ARAP3: variants seen among roughly 807,000 people sequenced by gnomAD.
ARAP3 encodes arf-GAP with Rho-GAP domain, ANK repeat and PH domain-containing protein 3.
In ARAP3, 82 loss-of-function variants were observed where a neutral mutation model predicts 169.2. The ratio of observed to expected loss-of-function variants is 0.48; its 90% CI spans 0.41 to 0.58. ARAP3 has a LOEUF of 0.58. Ranked by LOEUF, ARAP3 falls within the 20% of genes least tolerant of loss-of-function variation. ARAP3 has a pLI of 0.00. For synonymous variants in ARAP3, 791 were observed against 800.3 expected (o/e 0.99, Z 0.20); for missense variants, 1,764 against 2,018.0 (o/e 0.87, Z 2.41).
At chr5:141,666,175 GTGT>G (rs1383628448) in intron 17 of ARAP3, among the ~76,000 whole-genome samples, 3 of 152,014 alleles carry the variant, frequency 2.0e-5, no homozygotes, top group Non-Finnish European at 4.4e-5. Flanking sequence ...TCTGAGGAAG[GTGT>G]TATTATTGTG....
chr5:141,678,258 G>A (rs1418319574), intron 4 of ARAP3, among the ~76,000 whole-genome samples: 2 of 151,596 alleles, frequency 1.3e-5, no homozygotes, highest in Non-Finnish European at 2.9e-5. Flanking sequence ...ACCCTTATCT[G>A]GCCTCTTTTA....
At position 141,665,038 on chromosome 5, in the gene ARAP3, T is replaced by C; in HGVS notation, c.2684A>G (p.Asn895Ser). 1.2e-6 allele frequency: 2 copies of C among 1,613,874 alleles called. No homozygotes were observed. The highest frequency in any genetic ancestry group is 1.7e-6 in the Non-Finnish European group (2 of 1,179,926). Residue 895 changes from asparagine to serine, a missense_variant, in exon 19 of 33, where the codon AAC becomes AGC. Transcript: ENST00000239440. ...GEGRLDFTAW[N>S]AAIGGAAGGG... Reference sequence around the variant, plus strand: ...ACCAGCCGCGCCCCCAATGGCTGCGTTCCATGCCGTGAAGTCCAGCCGGCC... The same window carrying C: ...ACCAGCCGCGCCCCCAATGGCTGCGCTCCATGCCGTGAAGTCCAGCCGGCC...
intron 16 of ARAP3, among the ~76,000 whole-genome samples, chr5:141,668,597 T>C (rs2099911000): frequency 6.6e-6 from 1 of 151,984 alleles, no homozygotes; most frequent in South Asian, 2.1e-4. Context: ...TTTTGGAAAG[T>C]GTAGATAATA....
rs116924533 is a variant in ARAP3 at position 141,662,448 on chromosome 5, A to G, written c.2801-193T>C. 9.7e-4 allele frequency among the ~76,000 whole-genome samples: 147 copies of G among 152,134 alleles called. No homozygotes were observed. In the East Asian group the frequency reaches 0.024, roughly 25 times the overall value. On this transcript the variant is annotated intron_variant, in intron 19 of 32. Coordinates refer to ENST00000239440, the MANE Select transcript of ARAP3 (RefSeq NM_022481.6). ...CTCATCCTCAGAAAGTCCTTCCCTG[A>G]CCTCACTGTCACAAGTACAACCCCC...
At position 141,656,565 on chromosome 5, in the gene ARAP3, C is replaced by T. The variant is rs748063043; in HGVS notation, c.3728G>A (p.Arg1243His). 5.0e-6 allele frequency: 8 copies of T among 1,612,668 alleles called. No homozygotes were observed. The highest frequency in any genetic ancestry group is 2.7e-5 in the African/African-American group (2 of 74,914). The change falls in exon 27 of 33, where the codon CGC becomes CAC. Residue 1243 changes from arginine (R) to histidine (H), a missense_variant. Arg to His is a conservative substitution (Grantham distance 29, BLOSUM62 0). Transcript: ENST00000239440. ...CAGCAGAAAGAACCTCTCCTGGAAG[C>T]GGCTTCCCAGCAAGCGAGGTGGCTC... ...REEPPRLLGS[R>H]FQERFFLLRG...
In ARAP3 at chr5:141,674,510, G is replaced by A. The variant is rs116905085; in HGVS notation, c.699-702C>T. 8.5e-5 allele frequency among the ~76,000 whole-genome samples: 13 copies of A among 152,254 alleles called. No homozygotes were observed. The East Asian group carries it at 9.6e-4, about 11-fold the overall frequency. ...TGGGTTCAAGTGATCCTCCCACCTC[G>A]GCCTCCCGAATTGCTGGGGTTACAG... is the stretch of plus-strand genomic sequence containing the variant. On this transcript the variant is annotated intron_variant, in intron 4 of 32. Coordinates refer to ENST00000239440, the MANE Select transcript of ARAP3 (RefSeq NM_022481.6).
Position 141,661,673 on chromosome 5 carries a change from G to C in ARAP3, c.3119+11C>G. ...GAGGAAGGGTTCTGCAGAGGGTCTA[G>C]CCATACTGACCGATAGAGATGCCCA... On this transcript the variant is annotated intron_variant, in intron 21 of 32. Transcript: ENST00000239440. 2 of 1,613,034 alleles carry C rather than the reference G, an allele frequency of 1.2e-6. No homozygotes were observed. Among genetic ancestry groups the C allele is most frequent in the Non-Finnish European group, 1.7e-6 (2 of 1,178,952 alleles).
chr5:141,679,152 G>A (rs364305), intron 4 of ARAP3, among the ~76,000 whole-genome samples: 53,315 of 151,904 alleles, frequency 0.35, 9,846 homozygotes, highest in Admixed American at 0.47. Context: ...AGCCGGGCAT[G>A]GTGGCACGCA....
Position 141,679,656 on chromosome 5 carries a change from A to G in ARAP3, c.587T>C (p.Val196Ala), listed in dbSNP as rs372228658. 16 of 1,613,964 alleles carry G rather than the reference A, an allele frequency of 9.9e-6. No individual in the cohort carries two copies. In the African/African-American group the frequency reaches 2.0e-4, roughly 20 times the overall value. Residue 196 changes from valine to alanine, a missense_variant and splice_region_variant, in exon 4 of 33, where the codon GTG becomes GCG. Around this residue, in one of 3 missense-constraint regions of ARAP3, gnomAD observed 630 missense variants for 678.7 expected, o/e 0.93. Coordinates refer to ENST00000239440, the MANE Select transcript of ARAP3 (RefSeq NM_022481.6). ...TPALRPTTGT[V>A]HIMDPGCLYY... ...CAGGCAACCAGGATCCATGATGTGC[A>G]CTGGCAGGAGGAGAGGGGAACGCAC...
intron 19 of ARAP3, 43 bp downstream of exon 19, chr5:141,664,878 AC>A (rs749515258): frequency 9.8e-4 from 119 of 121,478 alleles, no homozygotes; most frequent in Non-Finnish European, 1.6e-4. Flanking sequence ...CATCACCCCC[AC>A]CCCCCACCCC....
Position 141,665,314 on chromosome 5 carries a change from C to T in ARAP3, c.2633G>A (p.Gly878Glu), listed in dbSNP as rs775409811. ...GTCAAGGGCAGGGGCAATTTACCTT[C>T]CTGTCTCCACCAGGACCAAATGCTC... The part of the protein sequence containing the change: ...KKEHLVLVET[G>E]RTLYLQGEGR... The change falls in exon 18 of 33, where the codon GGA (glycine) becomes GAA (glutamate). Residue 878 changes from glycine (G) to glutamate (E), a missense_variant. By Grantham distance (98) the Gly-to-Glu change is moderately conservative. Coordinates refer to ENST00000239440, the MANE Select transcript of ARAP3 (RefSeq NM_022481.6). 6 of 1,614,234 alleles carry T rather than the reference C, an allele frequency of 3.7e-6. No homozygotes were observed. Among genetic ancestry groups the T allele is most frequent in the African/African-American group, 1.3e-5 (1 of 75,072 alleles).
chr5:141,672,914 T>G lies in ARAP3; in HGVS notation c.1105A>C (p.Met369Leu). Residue 369 changes from methionine (M) to leucine (L), a missense_variant, in exon 8 of 33, where the codon ATG becomes CTG. Around this residue, in one of 3 missense-constraint regions of ARAP3, gnomAD observed 630 missense variants for 678.7 expected, o/e 0.93. Transcript: ENST00000239440. The surrounding 1 kb of genome is among the most constrained non-coding windows in gnomAD (Gnocchi z 4.9). ...CAGGACTGCAGCGTGGAGCACCACA[T>G]GTCCCGCTGAGCTGGTGGGGATGGA... ...FRTESEAQRD[M>L]WCSTLQSCLK... 1 of 1,611,024 alleles carries G rather than the reference T, an allele frequency of 6.2e-7. No homozygotes were observed. Among genetic ancestry groups the G allele is most frequent in the Non-Finnish European group, 8.5e-7 (1 of 1,178,598 alleles).
chr5:141,654,190 G>A lies in ARAP3; in HGVS notation c.4395C>T (p.Pro1465=), dbSNP rs748531716. Residue 1465 remains proline, a synonymous_variant, in exon 33 of 33, where the codon CCC becomes CCT. Transcript: ENST00000239440. Reference sequence around the variant, plus strand: ...TGCTCTTTGAAGGGGGGCCTGGAGGGGGCTCAGGTGGCCTCTCCTCCTGGC... The same window carrying A: ...TGCTCTTTGAAGGGGGGCCTGGAGGAGGCTCAGGTGGCCTCTCCTCCTGGC... ...TLGQEERPPE[P]PPGPPSKSSP... 1.9e-6 allele frequency: 3 copies of A among 1,614,072 alleles called. No homozygotes were observed. The highest frequency in any genetic ancestry group is 2.5e-6 in the Non-Finnish European group (3 of 1,179,948).
chr5:141,668,141 C>A (rs2099910919), intron 16 of ARAP3, among the ~76,000 whole-genome samples: 1 of 151,620 alleles, frequency 6.6e-6, no homozygotes, highest in Non-Finnish European at 1.5e-5. Context: ...TGAGACAGGG[C>A]CTCACTTAGG....
In ARAP3 at chr5:141,672,733, C is replaced by G; in HGVS notation, c.1278+8G>C. The stretch of plus-strand genomic sequence containing the variant: ...CAGGCCCCTCAGCCCTGGCCCGGCT[C>G]TCCTCACCTGCTCACTCTTGTACAG... On this transcript the variant is annotated splice_region_variant and intron_variant, in intron 8 of 32. Coordinates refer to ENST00000239440, the MANE Select transcript of ARAP3 (RefSeq NM_022481.6). The surrounding 1 kb of genome is among the most constrained non-coding windows in gnomAD (Gnocchi z 4.9). 1 of 1,614,174 alleles carries G rather than the reference C, an allele frequency of 6.2e-7. No homozygotes were observed. Among genetic ancestry groups the G allele is most frequent in the Non-Finnish European group, 8.5e-7 (1 of 1,180,014 alleles).
intron 30 of ARAP3, 26 bp from the exon 31 acceptor site, chr5:141,655,784 T>C (rs1483371002): frequency 6.2e-7 from 1 of 1,614,068 alleles, no homozygotes. Flanking sequence ...GGGGTTGGCA[T>C]CAGTGGGCAT....
In ARAP3 at chr5:141,673,875, T is replaced by C. The variant is rs906622159; in HGVS notation, c.699-67A>G. 9 of 1,473,352 alleles carry C rather than the reference T, an allele frequency of 6.1e-6. No individual in the cohort carries two copies. The African/African-American group carries it at 8.4e-5, about 14-fold the overall frequency. The allele number at this position is 1,473,352 out of a possible 1,614,324, so 91.3% of individuals were successfully genotyped here. ...TACCCCGGACACCCTCTTTGTACTTTCTCCATCCTACTCACATCACCTAAG... is the reference window on the plus strand; with the variant it reads ...TACCCCGGACACCCTCTTTGTACTTCCTCCATCCTACTCACATCACCTAAG... On this transcript the variant is annotated intron_variant, in intron 4 of 32. Coordinates refer to ENST00000239440, the MANE Select transcript of ARAP3 (RefSeq NM_022481.6).
intron 31 of ARAP3, 90 bp downstream of exon 31, chr5:141,655,531 G>A (rs1397855320): frequency 1.2e-6 from 2 of 1,600,648 alleles, no homozygotes; most frequent in East Asian, 4.5e-5. Context: ...GCATAGGGTG[G>A]CACCAGGCTA....
Position 141,665,136 on chromosome 5 carries a change from A to T in ARAP3, c.2637-51T>A. On this transcript the variant is annotated intron_variant, in intron 18 of 32. Transcript: ENST00000239440. The stretch of plus-strand genomic sequence containing the variant: ...AGCCAGCTCCGACAGGCCCAGATGC[A>T]TGGGGACCAGACTTCCCAGAGCCAC... The T allele has an allele frequency of 1.9e-6, 3 of 1,579,702 alleles. 1 individual carries two copies. Among genetic ancestry groups the T allele is most frequent in the East Asian group, 4.5e-5 (2 of 44,490 alleles).
Sources: gnomAD v4.1 joint callset for allele counts (sites outside exome capture counted in the v4.1 genomes callset) on GRCh38, gnomAD v4.1.1 for gene constraint, gnomAD v4.1.1 regional missense constraint, Gnocchi (gnomAD v3.1) non-coding constraint, MANE v1.5 for transcripts, NCBI Gene and HGNC (gene_info 2026-07-23, HGNC 2026-07-21) for gene names.